The following ZNF407 variants were observed in gnomAD, a reference collection of about 807,000 sequenced individuals.
ZNF407 encodes the protein zinc finger protein 407.
In ZNF407, 17 loss-of-function variants were observed where a neutral mutation model predicts 131.2. The observed-to-expected ratio is 0.13, with a 90% CI of 0.09 to 0.19. ZNF407 has a LOEUF of 0.19. Ranked by LOEUF, ZNF407 falls within the 10% of genes least tolerant of loss-of-function variation. ZNF407 has a pLI of 1.00. For missense variants in ZNF407, 2,681 were observed against 2,830.6 expected (o/e 0.95, Z 1.20); for synonymous variants, 1,156 against 1,062.0 (o/e 1.09, Z -1.72).
At chr18:74,876,999 A>G (rs1971166406) in intron 4 of ZNF407, among the ~76,000 whole-genome samples, 198 bp from the exon 5 acceptor site, 1 of 152,224 alleles carries the variant, frequency 6.6e-6, no homozygotes, top group East Asian at 1.9e-4. Flanking sequence ...ACCGCAAAGC[A>G]GAGAATAAAT....
At chr18:74,846,209 T>A (rs1305803132) in intron 4 of ZNF407, among the ~76,000 whole-genome samples, 2 of 152,206 alleles carry the variant, frequency 1.3e-5, no homozygotes, top group Non-Finnish European at 2.9e-5. Context: ...AATTAGAAAT[T>A]ATTGATATTC....
At chr18:74,778,423 A>G (rs983875858) in intron 3 of ZNF407, among the ~76,000 whole-genome samples, 1 of 152,178 alleles carries the variant, frequency 6.6e-6, no homozygotes, top group South Asian at 2.1e-4. Context: ...CTGACACTGT[A>G]AGATCCTTGT....
intron 8 of ZNF407, among the ~76,000 whole-genome samples, chr18:74,986,083 CTG>C (rs1270835648): frequency 1.3e-5 from 2 of 152,228 alleles, no homozygotes; most frequent in African/African-American, 4.8e-5. Flanking sequence ...CTCCATGTCA[CTG>C]TGTGTCCTCA....
chr18:74,950,947 C>T (rs1417611955), intron 8 of ZNF407, among the ~76,000 whole-genome samples: 2 of 152,128 alleles, frequency 1.3e-5, no homozygotes, highest in Admixed American at 1.3e-4. Context: ...AATTGATTGT[C>T]TCAACTGAAA....
chr18:74,771,861 TA>T (rs758973791), intron 3 of ZNF407, among the ~76,000 whole-genome samples: 16 of 151,572 alleles, frequency 1.1e-4, no homozygotes, highest in Admixed American at 3.3e-4. Flanking sequence ...CAGCAAATCT[TA>T]AAAAAAAATC....
chr18:74,621,694 C>T lies in ZNF407; in HGVS notation c.-53-9273C>T, dbSNP rs74567228. ...TCGTCTCCAGCATGCAGCATCCTCA[C>T]TTCCACTATTTTCTGTCCCTTACAA... On this transcript the variant is annotated intron_variant, in intron 1 of 8. Coordinates refer to ENST00000299687, the MANE Select transcript of ZNF407 (RefSeq NM_017757.3). Among the ~76,000 whole-genome samples the T allele has an allele frequency of 3.9e-3, 587 of 152,294 alleles. 1 individual carries two copies. The highest frequency in any genetic ancestry group is 0.013 in the African/African-American group (557 of 41,558).
chr18:74,616,170 A>G (rs1983281718), intron 1 of ZNF407, among the ~76,000 whole-genome samples: 1 of 152,160 alleles, frequency 6.6e-6, no homozygotes, highest in Admixed American at 6.5e-5. Context: ...CACTTCTTTC[A>G]TACGTGACAT....
At chr18:74,618,731 A>G (rs1463517698) in intron 1 of ZNF407, among the ~76,000 whole-genome samples, 2 of 152,204 alleles carry the variant, frequency 1.3e-5, no homozygotes, top group African/African-American at 4.8e-5. Context: ...AGAGGAGGAA[A>G]AGATTACCTA....
intron 8 of ZNF407, among the ~76,000 whole-genome samples, chr18:74,927,287 C>A (rs1971926772): frequency 6.6e-6 from 1 of 152,186 alleles, no homozygotes; most frequent in Non-Finnish European, 1.5e-5. Flanking sequence ...CTTACAGTTA[C>A]ATCACCCTGC....
chr18:74,806,675 A>G (rs1451560298), intron 4 of ZNF407, among the ~76,000 whole-genome samples: 1 of 152,208 alleles, frequency 6.6e-6, no homozygotes, highest in Admixed American at 6.5e-5. Flanking sequence ...CTGAGTTTAA[A>G]TCCTGTCACC....
At position 74,634,168 on chromosome 18, in the gene ZNF407, C is replaced by T. The variant is rs1395111958; in HGVS notation, c.3149C>T (p.Ala1050Val). ...AAAGAGTTTGAGTTTTATTGCATGG[C>T]ATGCGATTACTACGCGGTGACTCGT... ...HTKEFEFYCM[A>V]CDYYAVTRRE... The change falls in exon 2 of 9, where the codon GCA (alanine) becomes GTA (valine). Residue 1050 changes from alanine to valine, a missense_variant. By Grantham distance (64) the Ala-to-Val change is moderately conservative. Coordinates refer to ENST00000299687, the MANE Select transcript of ZNF407 (RefSeq NM_017757.3). 2 of 1,613,922 alleles carry T rather than the reference C, an allele frequency of 1.2e-6. No individual in the cohort carries two copies. The highest frequency in any genetic ancestry group is 1.7e-6 in the Non-Finnish European group (2 of 1,179,910).
Position 74,839,949 on chromosome 18 carries a change from G to T in ZNF407, c.4878-37248G>T, listed in dbSNP as rs1041497705. 2.6e-5 allele frequency among the ~76,000 whole-genome samples: 4 copies of T among 152,082 alleles called. No individual in the cohort carries two copies. In the East Asian group the frequency reaches 7.7e-4, roughly 29 times the overall value. ...AAGAGGACCTAAGGAAGCAAGTGAA[G>T]AATTTCTTCTTTTTCAAATTGAGTT... On this transcript the variant is annotated intron_variant, in intron 4 of 8. Transcript: ENST00000299687.
At chr18:74,988,423 A>G (rs1165384586) in intron 8 of ZNF407, among the ~76,000 whole-genome samples, 1 of 151,820 alleles carries the variant, frequency 6.6e-6, no homozygotes, top group Non-Finnish European at 1.5e-5. Context: ...TCAAAGTTGA[A>G]AGCTTTTGCT....
At chr18:74,955,778 A>T (rs1054056864) in intron 8 of ZNF407, among the ~76,000 whole-genome samples, 1 of 152,130 alleles carries the variant, frequency 6.6e-6, no homozygotes, top group Non-Finnish European at 1.5e-5. Flanking sequence ...TTCTCGACAC[A>T]TCTTCCGATG....
At chr18:74,946,505 A>C (rs537493133) in intron 8 of ZNF407, among the ~76,000 whole-genome samples, 22 of 152,352 alleles carry the variant, frequency 1.4e-4, no homozygotes, top group Non-Finnish European at 4.4e-5. Flanking sequence ...AAAATGAATC[A>C]CAGGGGAGAA....
chr18:74,928,080 T>A (rs1041713976), intron 8 of ZNF407, among the ~76,000 whole-genome samples: 1 of 152,176 alleles, frequency 6.6e-6, no homozygotes, highest in Admixed American at 6.5e-5. Flanking sequence ...CTCAGGAGGT[T>A]CTGAGAACAT....
Position 74,632,603 on chromosome 18 carries a change from T to G in ZNF407, c.1584T>G (p.Cys528Trp). The change falls in exon 2 of 9, where the codon TGT becomes TGG. Residue 528 changes from cysteine (C) to tryptophan (W), a missense_variant. This residue lies in a region of ZNF407 where 1,789 missense variants were observed against 1,748.7 expected (regional missense o/e 1.02). Coordinates refer to ENST00000299687, the MANE Select transcript of ZNF407 (RefSeq NM_017757.3). ...VKPASGSQTL[C>W]ACTDCGQVAT... ...CAGCTTCTGGCTCTCAGACGTTGTG[T>G]GCTTGTACAGACTGTGGGCAAGTAG... The G allele has an allele frequency of 6.2e-7, 1 of 1,614,042 alleles. No individual in the cohort carries two copies.
rs1237510353 is a variant in ZNF407 at position 75,022,058 on chromosome 18, G to T, written c.5429-41092G>T. ...CAGATCAATCATAAAATAGAAAATA[G>T]AAATTTTATAAACAAATGTCTGGAA... On this transcript the variant is annotated intron_variant, in intron 8 of 8. Coordinates refer to ENST00000299687, the MANE Select transcript of ZNF407 (RefSeq NM_017757.3). Among the ~76,000 whole-genome samples, 13 of 151,938 alleles carry T rather than the reference G, an allele frequency of 8.6e-5. No homozygotes were observed. In the East Asian group the frequency reaches 2.5e-3, roughly 29 times the overall value.
chr18:74,892,824 C>T (rs1454953581), intron 7 of ZNF407, among the ~76,000 whole-genome samples: 1 of 152,106 alleles, frequency 6.6e-6, no homozygotes, highest in Non-Finnish European at 1.5e-5. Context: ...GCTTTAGACA[C>T]ATAGGCCGTT....
Sources: allele counts gnomAD v4.1 joint callset (sites outside exome capture counted in the v4.1 genomes callset), GRCh38; gene constraint gnomAD v4.1.1; regional missense constraint gnomAD v4.1.1; transcripts MANE v1.5; gene names NCBI Gene and HGNC (gene_info 2026-07-23, HGNC 2026-07-21).